Variants in ASPH observed in about 807,000 individuals in gnomAD.
ASPH encodes the protein aspartyl/asparaginyl beta-hydroxylase.
In ASPH, 100 loss-of-function variants were observed where a neutral mutation model predicts 118.4. The ratio of observed to expected loss-of-function variants is 0.84; its 90% CI spans 0.72 to 1.00. The LOEUF is 1.00. ASPH is among the 50% of genes least tolerant of loss of function. The probability of loss-of-function intolerance (pLI) is 0.00; values close to 1 mark genes in which losing one functional copy is unlikely to be tolerated. For missense variants in ASPH, 920 were observed against 919.5 expected (o/e 1.00, Z -0.01); for synonymous variants, 315 against 325.6 (o/e 0.97, Z 0.35).
intron 3 of ASPH, chr8:61,659,855 C>A (rs567567770): frequency 9.9e-5 from 15 of 152,240 alleles, no homozygotes; most frequent in African/African-American, 3.6e-4. Context: ...AACTTTATCA[C>A]CTGACATCTA....
At chr8:61,668,308 A>G in intron 3 of ASPH, 1 of 1,565,672 alleles carries the variant, frequency 6.4e-7, no homozygotes, top group Non-Finnish European at 8.7e-7. Flanking sequence ...AATAGGTTAT[A>G]AACAGAAAAT....
chr8:61,614,018 T>C (rs1848260414), intron 14 of ASPH, among the ~76,000 whole-genome samples: 1 of 152,204 alleles, frequency 6.6e-6, no homozygotes, highest in Non-Finnish European at 1.5e-5. Context: ...CTGGCTGTAA[T>C]ACAGCCATCT....
In ASPH at chr8:61,517,510, A is replaced by G. The variant is rs200842487; in HGVS notation, c.2126+18T>C. 6.2e-7 allele frequency: 1 copy of G among 1,612,148 alleles called. No homozygotes were observed. Among genetic ancestry groups the G allele is most frequent in the East Asian group, 2.2e-5 (1 of 44,796 alleles). ...TCCTCTGAGGTGACGGATATGACGG[A>G]TAACAGAGGACCCATACTTGGTCTC... On this transcript the variant is annotated intron_variant, in intron 24 of 24. Coordinates refer to ENST00000379454, the MANE Select transcript of ASPH (RefSeq NM_004318.4).
chr8:61,642,923 G>GAAA lies in ASPH; in HGVS notation c.758-6_758-4dup. 2 of 1,376,394 alleles carry GAAA rather than the reference G, an allele frequency of 1.5e-6. No individual in the cohort carries two copies. The highest frequency in any genetic ancestry group is 1.4e-5 in the South Asian group (1 of 70,438). The allele number at this position is 1,376,394 out of a possible 1,614,324, so 85.3% of individuals were successfully genotyped here. A position where few individuals can be genotyped will look rare whatever the true frequency, so the allele number is the denominator to read the frequency against. On this transcript the variant is annotated splice_region_variant and splice_polypyrimidine_tract_variant and intron_variant, in intron 9 of 24. Transcript: ENST00000379454. ...ATAGACTTGGTATGTTACATCATCT[G>GAAA]AAAAAAAAAAGAGAATAAAAGCAAA...
At chr8:61,643,285 T>C in intron 9 of ASPH, 101 bp downstream of exon 9, 1 of 1,186,006 alleles carries the variant, frequency 8.4e-7, no homozygotes, top group Non-Finnish European at 1.2e-6. Flanking sequence ...TCGAAATTAC[T>C]TCTTTGATGC....
At chr8:61,662,259 T>C (rs1817305026) in intron 3 of ASPH, among the ~76,000 whole-genome samples, 1 of 152,228 alleles carries the variant, frequency 6.6e-6, no homozygotes, top group Non-Finnish European at 1.5e-5. Context: ...GCCAATAATG[T>C]CATTTAAAAG....
At chr8:61,550,753 TA>T (rs1284251550) in intron 20 of ASPH, among the ~76,000 whole-genome samples, 4 of 152,152 alleles carry the variant, frequency 2.6e-5, no homozygotes, top group Non-Finnish European at 4.4e-5. Flanking sequence ...TGGCTTGAAA[TA>T]AACTGAGACC....
At chr8:61,686,429 A>G (rs1427923884) in intron 1 of ASPH, among the ~76,000 whole-genome samples, 1 of 152,188 alleles carries the variant, frequency 6.6e-6, no homozygotes, top group Non-Finnish European at 1.5e-5. Context: ...AACCACTACT[A>G]AAATTTGAAG....
intron 12 of ASPH, among the ~76,000 whole-genome samples, chr8:61,635,500 C>G (rs1393335701): frequency 6.6e-6 from 1 of 152,060 alleles, no homozygotes; most frequent in Non-Finnish European, 1.5e-5. Flanking sequence ...TCACATAACT[C>G]CCAGAGTTAA....
intron 21 of ASPH, among the ~76,000 whole-genome samples, chr8:61,546,606 T>C (rs1434918711): frequency 2.6e-5 from 4 of 152,244 alleles, no homozygotes; most frequent in Non-Finnish European, 2.9e-5. Flanking sequence ...CCCTGAGCTA[T>C]AAAATATTCA....
chr8:61,689,685 C>T, intron 1 of ASPH: 1 of 1,590,080 alleles, frequency 6.3e-7, no homozygotes, highest in South Asian at 1.1e-5. Context: ...TTATCTTCAG[C>T]CATTTTGATT....
At chr8:61,544,603 C>A (rs1823109109) in intron 21 of ASPH, among the ~76,000 whole-genome samples, 1 of 152,112 alleles carries the variant, frequency 6.6e-6, no homozygotes, top group Non-Finnish European at 1.5e-5. Context: ...CAGGAAAAAC[C>A]AAGGATACCA....
chr8:61,525,072 G>T (rs1309462348), intron 22 of ASPH, among the ~76,000 whole-genome samples: 1 of 152,114 alleles, frequency 6.6e-6, no homozygotes. Flanking sequence ...TACTAAAGTA[G>T]TTCCTCTTAT....
intron 5 of ASPH, among the ~76,000 whole-genome samples, chr8:61,649,167 G>C (rs528600699): frequency 6.6e-6 from 1 of 152,150 alleles, no homozygotes; most frequent in African/African-American, 2.4e-5. Context: ...AAGAAGCCAC[G>C]GTCACACCGA....
rs1806881504 is a variant in ASPH, at chr8:61,644,545, C to T, written c.652+55G>A. ...AATAGATATTATGTATTTTATGATG[C>T]CCTTTTAAAGGAAGACTCACTCTAA... On this transcript the variant is annotated intron_variant, in intron 7 of 24. Transcript: ENST00000379454. The T allele has an allele frequency of 3.0e-6, 4 of 1,313,226 alleles. No individual in the cohort carries two copies. In the South Asian group the frequency reaches 5.1e-5, roughly 17 times the overall value. 81.3% of individuals were successfully genotyped at this position (1,313,226 alleles called of 1,614,324 possible). A position where few individuals can be genotyped will look rare whatever the true frequency, so the allele number is the denominator to read the frequency against.
chr8:61,538,166 G>A (rs11984530), intron 21 of ASPH, among the ~76,000 whole-genome samples: 42,539 of 152,066 alleles, frequency 0.28, 8,331 homozygotes, highest in African/African-American at 0.53. Flanking sequence ...AGGCTCAGAT[G>A]GGTAAAAGGA....
intron 1 of ASPH, among the ~76,000 whole-genome samples, chr8:61,693,134 C>A (rs761260084): frequency 6.6e-6 from 1 of 152,104 alleles, no homozygotes; most frequent in African/African-American, 2.4e-5. Flanking sequence ...CAAGTCCAGC[C>A]GTAACCATGT....
In ASPH at chr8:61,509,386, C is replaced by A. The variant is rs573901256; in HGVS notation, c.2127-5877G>T. ...AACAAGGAATGGATTATTCATGTCTCCCATTTTTAGATCACATAGGGTAAT... is the reference window on the plus strand; with the variant it reads ...AACAAGGAATGGATTATTCATGTCTACCATTTTTAGATCACATAGGGTAAT... On this transcript the variant is annotated intron_variant, in intron 24 of 24. Coordinates refer to ENST00000379454, the MANE Select transcript of ASPH (RefSeq NM_004318.4). Among the ~76,000 whole-genome samples the A allele has an allele frequency of 2.0e-5, 3 of 152,304 alleles. No individual in the cohort carries two copies. The East Asian group carries it at 5.8e-4, about 29-fold the overall frequency.
chr8:61,699,016 T>C (rs1324922052), intron 1 of ASPH, among the ~76,000 whole-genome samples: 3 of 152,216 alleles, frequency 2.0e-5, no homozygotes, highest in Non-Finnish European at 4.4e-5. Context: ...AACAGTGTCT[T>C]TGCCTGGGGG....
Sources: allele counts gnomAD v4.1 joint callset (sites outside exome capture counted in the v4.1 genomes callset), GRCh38; gene constraint gnomAD v4.1.1; transcripts MANE v1.5; gene names NCBI Gene and HGNC (gene_info 2026-07-23, HGNC 2026-07-21).